The following PRKG1 variants were observed in gnomAD, a reference collection of about 807,000 sequenced individuals.
PRKG1 encodes the protein protein kinase cGMP-dependent 1.
A neutral mutation model predicts 88.1 loss-of-function variants in PRKG1; 35 were observed. That is an observed-to-expected ratio of 0.40 (90% CI 0.30 to 0.53). The LOEUF (loss-of-function observed/expected upper bound fraction) is 0.53, where lower values mean the gene tolerates loss of function less well. PRKG1 is among the 20% of genes least tolerant of loss of function. PRKG1 has a pLI of 0.59. For synonymous variants in PRKG1, 303 were observed against 292.5 expected (o/e 1.04, Z -0.37); for missense variants, 540 against 839.8 (o/e 0.64, Z 4.41).
intron 2 of PRKG1, among the ~76,000 whole-genome samples, chr10:51,303,216 C>G (rs1840939756): frequency 6.6e-6 from 1 of 152,068 alleles, no homozygotes; most frequent in Non-Finnish European, 1.5e-5. Flanking sequence ...GAAGATACAT[C>G]CTCCTCTATT....
chr10:51,971,233 G>A (rs1843708117), intron 5 of PRKG1, among the ~76,000 whole-genome samples: 1 of 151,826 alleles, frequency 6.6e-6, no homozygotes, highest in South Asian at 2.1e-4. Context: ...TTCTTAACGT[G>A]GGTTGTGCTT....
chr10:51,917,354 T>A (rs1842365653), intron 5 of PRKG1, among the ~76,000 whole-genome samples: 1 of 152,052 alleles, frequency 6.6e-6, no homozygotes, highest in South Asian at 2.1e-4. Flanking sequence ...GATTTCTTTT[T>A]AGGGTGATAA....
intron 3 of PRKG1, among the ~76,000 whole-genome samples, chr10:51,682,375 T>C (rs1840873079): frequency 6.6e-6 from 1 of 152,166 alleles, no homozygotes; most frequent in African/African-American, 2.4e-5. Context: ...CCTCTCTAAT[T>C]TAAAATGCCT....
chr10:51,660,924 C>T (rs933106186), intron 3 of PRKG1, among the ~76,000 whole-genome samples: 2 of 151,966 alleles, frequency 1.3e-5, no homozygotes, highest in African/African-American at 4.8e-5. Context: ...TTAATATAGT[C>T]CTCTATTTTT....
chr10:51,983,111 C>T (rs1027759822), intron 5 of PRKG1, among the ~76,000 whole-genome samples: 1 of 152,112 alleles, frequency 6.6e-6, no homozygotes, highest in Non-Finnish European at 1.5e-5. Context: ...CGGCTGTTCT[C>T]TGTGCCTAGT....
At chr10:51,793,435 T>C (rs79113367) in intron 3 of PRKG1, among the ~76,000 whole-genome samples, 6,424 of 152,088 alleles carry the variant, frequency 0.042, 448 homozygotes, top group African/African-American at 0.14. Context: ...GTACAAGTCA[T>C]AGGAGTTGAA....
At chr10:51,631,648 C>T (rs1253701933) in intron 3 of PRKG1, among the ~76,000 whole-genome samples, 1 of 152,206 alleles carries the variant, frequency 6.6e-6, no homozygotes. Flanking sequence ...TGCAGTTCCA[C>T]CTCTGATCAT....
At chr10:52,175,389 G>T (rs917447783) in intron 9 of PRKG1, among the ~76,000 whole-genome samples, 3 of 151,536 alleles carry the variant, frequency 2.0e-5, no homozygotes, top group African/African-American at 7.3e-5. Flanking sequence ...ATCTGTTTTT[G>T]AATCCATATC....
At chr10:51,987,102 A>G (rs1311575681) in intron 5 of PRKG1, among the ~76,000 whole-genome samples, 6 of 152,170 alleles carry the variant, frequency 3.9e-5, no homozygotes. Flanking sequence ...AAAAATAAAA[A>G]TGTGTCCTAT....
At chr10:52,285,178 G>A (rs1477443904) in intron 14 of PRKG1, among the ~76,000 whole-genome samples, 2 of 151,802 alleles carry the variant, frequency 1.3e-5, no homozygotes, top group African/African-American at 4.8e-5. Context: ...TTTTGCTCAA[G>A]GATCCATCTC....
chr10:51,996,313 T>A (rs1453123826), intron 5 of PRKG1, among the ~76,000 whole-genome samples: 1 of 22,826 alleles, frequency 4.4e-5, no homozygotes, highest in Admixed American at 9.4e-4. Context: ...AGACTCCATC[T>A]CAAAAAAAAA....
At chr10:51,148,405 C>T (rs1419644814) in intron 1 of PRKG1, 33 of 312,574 alleles carry the variant, frequency 1.1e-4, no homozygotes, top group Admixed American at 1.9e-4. Context: ...AGATTGCTTT[C>T]GCTGATTTCC....
chr10:51,663,637 A>T (rs1840352325), intron 3 of PRKG1, among the ~76,000 whole-genome samples: 1 of 148,004 alleles, frequency 6.8e-6, no homozygotes, highest in South Asian at 2.2e-4. Flanking sequence ...GGATCACTTG[A>T]GCGCAGAAGT....
intron 9 of PRKG1, among the ~76,000 whole-genome samples, chr10:52,204,676 A>G (rs1320263547): frequency 2.0e-5 from 3 of 152,116 alleles, no homozygotes; most frequent in Non-Finnish European, 4.4e-5. Flanking sequence ...TCTTAATCCC[A>G]TCATCTTTGT....
intron 3 of PRKG1, among the ~76,000 whole-genome samples, chr10:51,652,513 A>G (rs1840064228): frequency 6.6e-6 from 1 of 152,142 alleles, no homozygotes; most frequent in African/African-American, 2.4e-5. Flanking sequence ...TCAAGAAAGA[A>G]CTTTTCCAGA....
At chr10:51,303,953 G>A (rs1238177196) in intron 2 of PRKG1, among the ~76,000 whole-genome samples, 2 of 151,866 alleles carry the variant, frequency 1.3e-5, no homozygotes, top group Non-Finnish European at 2.9e-5. Flanking sequence ...CCAAATAGCT[G>A]GGATTACAGG....
In PRKG1 at chr10:51,514,665, A is replaced by G. The variant is rs181572306; in HGVS notation, c.592+46829A>G. On this transcript the variant is annotated intron_variant, in intron 3 of 17. Transcript: ENST00000373980. ...CTGATGCCACAGCTGCGAGGCATGT[A>G]CCGAAGTCAATAAGGAGAAGGGTGA... Among the ~76,000 whole-genome samples, 352 of 152,346 alleles carry G rather than the reference A, an allele frequency of 2.3e-3. 1 individual carries two copies. The highest frequency in any genetic ancestry group is 8.1e-3 in the African/African-American group (336 of 41,592).
chr10:51,399,195 A>G (rs1837664761), intron 2 of PRKG1, among the ~76,000 whole-genome samples: 1 of 151,970 alleles, frequency 6.6e-6, no homozygotes, highest in African/African-American at 2.4e-5. Flanking sequence ...TATTATATGA[A>G]GGATAATTTT....
rs539816828 is a variant in PRKG1 at position 51,966,440 on chromosome 10, T to C, written c.762+58870T>C. ...CTGTTTCATACATGCTTTTTCTTTT[T>C]CCATGTCATAAATGGCATGTCCTAT... On this transcript the variant is annotated intron_variant, in intron 5 of 17. Coordinates refer to ENST00000373980, the MANE Select transcript of PRKG1 (RefSeq NM_006258.4). 6.6e-5 allele frequency among the ~76,000 whole-genome samples: 10 copies of C among 152,322 alleles called. 1 individual carries two copies. The highest frequency in any genetic ancestry group is 2.4e-4 in the African/African-American group (10 of 41,578).
Sources: allele counts gnomAD v4.1 joint callset (sites outside exome capture counted in the v4.1 genomes callset), GRCh38; gene constraint gnomAD v4.1.1; transcripts MANE v1.5; gene names NCBI Gene and HGNC (gene_info 2026-07-23, HGNC 2026-07-21).